Variants in SGCD observed in about 807,000 individuals in gnomAD.
SGCD encodes sarcoglycan delta, also known as delta-sarcoglycan.
A neutral mutation model predicts 36.6 loss-of-function variants in SGCD; 18 were observed. That is an observed-to-expected ratio of 0.49 (90% CI 0.34 to 0.73). The LOEUF (loss-of-function observed/expected upper bound fraction) is 0.73, where lower values mean the gene tolerates loss of function less well. Among genes scored for constraint, SGCD ranks in the 30% least tolerant of loss-of-function variants. The probability of loss-of-function intolerance (pLI) is 0.01; values close to 1 mark genes in which losing one functional copy is unlikely to be tolerated. For synonymous variants in SGCD, 133 were observed against 130.6 expected (o/e 1.02, Z -0.12); for missense variants, 387 against 346.7 (o/e 1.12, Z -0.92).
At chr5:156,475,233 C>T (rs775354556) in intron 3 of SGCD, among the ~76,000 whole-genome samples, 5 of 152,182 alleles carry the variant, frequency 3.3e-5, no homozygotes, top group Non-Finnish European at 1.5e-5. Context: ...ATTACAGGGT[C>T]TCTCCCATGT....
At chr5:156,005,966 CT>C (rs779394704) in intron 1 of SGCD, among the ~76,000 whole-genome samples, 1 of 152,098 alleles carries the variant, frequency 6.6e-6, no homozygotes, top group Non-Finnish European at 1.5e-5. Context: ...CAGTTTCCCC[CT>C]TTTTTGTGGC....
At chr5:156,246,656 A>G (rs1180033997) in intron 3 of SGCD, among the ~76,000 whole-genome samples, 1 of 152,236 alleles carries the variant, frequency 6.6e-6, no homozygotes, top group Non-Finnish European at 1.5e-5. Flanking sequence ...TGCAGAATAT[A>G]GAGTATCACT....
intron 7 of SGCD, among the ~76,000 whole-genome samples, chr5:156,671,879 T>A (rs1308347428): frequency 6.6e-6 from 1 of 152,110 alleles, no homozygotes; most frequent in Admixed American, 6.6e-5. Flanking sequence ...GGAGCCAGCA[T>A]GTCACATGGC....
chr5:156,047,450 G>C (rs1759797422), intron 1 of SGCD, among the ~76,000 whole-genome samples: 1 of 152,190 alleles, frequency 6.6e-6, no homozygotes, highest in Non-Finnish European at 1.5e-5. Context: ...CTCTTTTTAG[G>C]GGACAATGCA....
At chr5:156,087,640 CAAAAAAA>C (rs146938753) in intron 1 of SGCD, among the ~76,000 whole-genome samples, 1 of 79,876 alleles carries the variant, frequency 1.3e-5, no homozygotes, top group Non-Finnish European at 2.6e-5. Flanking sequence ...AACTCCATCT[CAAAAAAA>C]AAAAAAAAAA....
intron 1 of SGCD, among the ~76,000 whole-genome samples, chr5:156,034,229 C>T (rs572033209): frequency 6.6e-6 from 1 of 152,196 alleles, no homozygotes; most frequent in South Asian, 2.1e-4. Context: ...AGTGATGGAG[C>T]TGCATTTAGG....
chr5:156,692,653 T>A (rs965462133), intron 7 of SGCD, among the ~76,000 whole-genome samples: 2 of 152,160 alleles, frequency 1.3e-5, no homozygotes, highest in African/African-American at 2.4e-5. Context: ...TCACAAACTG[T>A]TTTTCTGACC....
At chr5:156,257,947 A>G (rs1765758023) in intron 3 of SGCD, among the ~76,000 whole-genome samples, 1 of 152,192 alleles carries the variant, frequency 6.6e-6, no homozygotes, top group Non-Finnish European at 1.5e-5. Context: ...ACTCTTAAGT[A>G]TTCATCTTTT....
At chr5:156,188,284 CA>C (rs1347301104) in intron 3 of SGCD, among the ~76,000 whole-genome samples, 1 of 152,020 alleles carries the variant, frequency 6.6e-6, no homozygotes, top group Non-Finnish European at 1.5e-5. Flanking sequence ...TTGTGGAGCT[CA>C]TATTTTAGAG....
At chr5:155,939,010 A>G (rs1757271210) in intron 1 of SGCD, among the ~76,000 whole-genome samples, 1 of 152,222 alleles carries the variant, frequency 6.6e-6, no homozygotes, top group Admixed American at 6.5e-5. Context: ...AACATGCTGT[A>G]GCATATAAGA....
chr5:156,618,747 G>A (rs1394687643), intron 6 of SGCD, among the ~76,000 whole-genome samples: 1 of 152,090 alleles, frequency 6.6e-6, no homozygotes, highest in Non-Finnish European at 1.5e-5. Context: ...GATGCAGAAG[G>A]AAAAGGCATT....
chr5:156,492,267 T>C (rs147801097), intron 3 of SGCD, among the ~76,000 whole-genome samples: 1 of 152,280 alleles, frequency 6.6e-6, no homozygotes, highest in African/African-American at 2.4e-5. Context: ...CAGAGTTACA[T>C]CATTCATAGA....
intron 1 of SGCD, among the ~76,000 whole-genome samples, chr5:155,907,127 T>C (rs986878838): frequency 6.7e-6 from 1 of 149,514 alleles, no homozygotes; most frequent in Non-Finnish European, 1.5e-5. Flanking sequence ...GCTCTAGAAA[T>C]GGAACAGCAA....
chr5:156,237,634 A>T (rs992415458), intron 3 of SGCD, among the ~76,000 whole-genome samples: 2 of 152,174 alleles, frequency 1.3e-5, no homozygotes, highest in African/African-American at 4.8e-5. Context: ...AAATGAAAAA[A>T]ACAAAAAACA....
At chr5:156,602,790 C>A (rs1010094730) in intron 6 of SGCD, among the ~76,000 whole-genome samples, 2 of 152,154 alleles carry the variant, frequency 1.3e-5, no homozygotes, top group Non-Finnish European at 2.9e-5. Context: ...TGGTATGAAT[C>A]CTACTTGGTC....
At chr5:156,258,581 A>G (rs1324554745) in intron 3 of SGCD, among the ~76,000 whole-genome samples, 2 of 152,140 alleles carry the variant, frequency 1.3e-5, no homozygotes, top group Non-Finnish European at 2.9e-5. Context: ...TTTCCTAACT[A>G]CCTTTCTCTA....
At chr5:155,916,128 G>A (rs564215056) in intron 1 of SGCD, among the ~76,000 whole-genome samples, 56 of 152,300 alleles carry the variant, frequency 3.7e-4, no homozygotes, top group Admixed American at 8.5e-4. Context: ...TAGACCCACA[G>A]TATAAGCAAA....
intron 1 of SGCD, among the ~76,000 whole-genome samples, chr5:155,905,388 T>C (rs150964045): frequency 6.6e-4 from 100 of 152,138 alleles, no homozygotes; most frequent in African/African-American, 2.3e-3. Context: ...AGTGAAGCTG[T>C]CAATCATAAG....
At position 155,894,780 on chromosome 5, in the gene SGCD, C is replaced by T. The variant is rs141356501; in HGVS notation, c.-282+24356C>T. Among the ~76,000 whole-genome samples, 272 of 152,248 alleles carry T rather than the reference C, an allele frequency of 1.8e-3. 3 individuals carry two copies. The highest frequency in any genetic ancestry group is 5.8e-3 in the African/African-American group (242 of 41,566). On this transcript the variant is annotated intron_variant, in intron 1 of 9. Transcript: ENST00000517913. ...TCCCTGCCATGGGACCATCAAGTTG[C>T]AGGAAAACAAGCTCAGGGCACCCAC... is the stretch of plus-strand genomic sequence containing the variant.
Sources: allele counts gnomAD v4.1 joint callset (sites outside exome capture counted in the v4.1 genomes callset), GRCh38; gene constraint gnomAD v4.1.1; transcripts MANE v1.5; gene names NCBI Gene and HGNC (gene_info 2026-07-23, HGNC 2026-07-21).